Variants in CCDC171 observed in about 807,000 individuals in gnomAD.
The protein encoded by CCDC171 is coiled-coil domain containing 171, also known as coiled-coil domain-containing protein 171.
CCDC171 carries 177 observed loss-of-function variants against 168.2 expected under a neutral mutation model. The ratio of observed to expected loss-of-function variants is 1.05; its 90% CI spans 0.93 to 1.19. CCDC171 has a LOEUF of 1.19. Among genes scored for constraint, CCDC171 ranks in the 50% most tolerant of loss-of-function variants. The pLI, the probability that CCDC171 is intolerant of heterozygous loss-of-function variation, is 0.00. For missense variants in CCDC171, 1,991 were observed against 1,539.0 expected (o/e 1.29, Z -4.91); for synonymous variants, 687 against 540.8 (o/e 1.27, Z -3.75).
At chr9:15,999,611 A>G (rs572782527) in intron 3 of CCDC171, among the ~76,000 whole-genome samples, 1 of 152,192 alleles carries the variant, frequency 6.6e-6, no homozygotes, top group South Asian at 2.1e-4. Flanking sequence ...TCACTGTACC[A>G]GAAAGCATCC....
intron 6 of CCDC171, among the ~76,000 whole-genome samples, chr9:15,622,001 G>C (rs1215736398): frequency 6.6e-6 from 1 of 152,160 alleles, no homozygotes; most frequent in Admixed American, 6.5e-5. Context: ...GGAGCTGGAG[G>C]CCATTATCTT....
chr9:16,067,523 A>G, the CCDC171 span, among the ~76,000 whole-genome samples: 6 of 152,336 alleles, frequency 3.9e-5, no homozygotes, highest in South Asian at 4.1e-4. Context: ...TGTTTTAGAC[A>G]TGAAGTCCTT....
At chr9:15,654,390 C>T (rs772218420) in intron 7 of CCDC171, among the ~76,000 whole-genome samples, 2 of 152,148 alleles carry the variant, frequency 1.3e-5, no homozygotes, top group Non-Finnish European at 2.9e-5. Flanking sequence ...GCCATCAGAA[C>T]CAGGTGCATC....
intron 18 of CCDC171, among the ~76,000 whole-genome samples, chr9:15,772,472 ACGTTTCT>A (rs1255436623): frequency 6.6e-6 from 1 of 152,146 alleles, no homozygotes; most frequent in East Asian, 1.9e-4. Context: ...GTCTATATTC[ACGTTTCT>A]CAAATTATTA....
At chr9:15,902,227 A>C (rs1463376902) in intron 24 of CCDC171, among the ~76,000 whole-genome samples, 1 of 147,202 alleles carries the variant, frequency 6.8e-6, no homozygotes, top group South Asian at 2.1e-4. Context: ...TCTCAAAATG[A>C]TACAAAGCTA....
chr9:15,839,905 A>T (rs2060605256), intron 21 of CCDC171, among the ~76,000 whole-genome samples: 1 of 152,208 alleles, frequency 6.6e-6, no homozygotes, highest in African/African-American at 2.4e-5. Flanking sequence ...AAAACTCAAA[A>T]CTTTGTTTTA....
At chr9:15,698,290 G>T (rs987586288) in intron 11 of CCDC171, among the ~76,000 whole-genome samples, 1 of 152,136 alleles carries the variant, frequency 6.6e-6, no homozygotes, top group Non-Finnish European at 1.5e-5. Context: ...GGGAGGCCGA[G>T]GGGGGTGGAT....
At chr9:15,594,276 C>T (rs1264606974) in intron 6 of CCDC171, 104 bp downstream of exon 6, 1 of 686,518 alleles carries the variant, frequency 1.5e-6, no homozygotes, top group East Asian at 3.1e-5. Context: ...AAAATAATTT[C>T]TAGTTTTGAT....
the CCDC171 span, among the ~76,000 whole-genome samples, chr9:16,094,156 G>A: frequency 6.6e-6 from 1 of 152,196 alleles, no homozygotes; most frequent in Non-Finnish European, 1.5e-5. Context: ...AGAGTGCACG[G>A]TGGGCTGGAA....
intron 10 of CCDC171, among the ~76,000 whole-genome samples, chr9:15,686,485 A>G (rs963835823): frequency 6.6e-6 from 1 of 152,092 alleles, no homozygotes; most frequent in African/African-American, 2.4e-5. Context: ...ACTGCACTCC[A>G]GCTTGGGCAA....
chr9:15,976,779 A>G (rs1213429103), downstream of CCDC171, among the ~76,000 whole-genome samples: 1 of 152,044 alleles, frequency 6.6e-6, no homozygotes. Flanking sequence ...ATTTTATTCA[A>G]CAAGGAAATC....
intron 18 of CCDC171, among the ~76,000 whole-genome samples, chr9:15,767,629 T>A (rs778372504): frequency 3.3e-5 from 5 of 151,796 alleles, no homozygotes; most frequent in Admixed American, 6.6e-5. Context: ...TAAAAAAAAT[T>A]ACAGAGTACA....
chr9:15,916,379 A>G (rs1231561791), intron 24 of CCDC171, among the ~76,000 whole-genome samples: 1 of 146,602 alleles, frequency 6.8e-6, no homozygotes, highest in Non-Finnish European at 1.5e-5. Context: ...CATATTTAGT[A>G]TATTTGGCAT....
At chr9:15,867,397 A>G (rs1015078317) in intron 23 of CCDC171, among the ~76,000 whole-genome samples, 4 of 152,066 alleles carry the variant, frequency 2.6e-5, no homozygotes, top group African/African-American at 9.7e-5. Context: ...AAAAGTTGAA[A>G]CATGATCCTC....
chr9:15,604,948 C>T (rs1374068206), intron 6 of CCDC171, among the ~76,000 whole-genome samples: 1 of 152,118 alleles, frequency 6.6e-6, no homozygotes, highest in African/African-American at 2.4e-5. Context: ...GACAAGGTCT[C>T]ACTCTGTTGC....
intron 21 of CCDC171, among the ~76,000 whole-genome samples, chr9:15,806,995 C>T (rs1314327180): frequency 1.3e-5 from 2 of 152,146 alleles, no homozygotes; most frequent in African/African-American, 2.4e-5. Context: ...ATTCTCTTCT[C>T]AGCTTGGTTT....
At chr9:15,789,733 T>C (rs979632381) in intron 21 of CCDC171, among the ~76,000 whole-genome samples, 2 of 151,950 alleles carry the variant, frequency 1.3e-5, no homozygotes, top group Non-Finnish European at 2.9e-5. Flanking sequence ...GTATATCTCC[T>C]AACGCTATAC....
At chr9:15,692,438 C>A (rs1414949413) in intron 10 of CCDC171, among the ~76,000 whole-genome samples, 4 of 151,370 alleles carry the variant, frequency 2.6e-5, no homozygotes, top group Admixed American at 1.3e-4. Context: ...AAAAATCTAA[C>A]TTTTTGATGA....
chr9:15,631,906 C>T (rs1413810831), intron 7 of CCDC171, among the ~76,000 whole-genome samples: 1 of 151,996 alleles, frequency 6.6e-6, no homozygotes, highest in Non-Finnish European at 1.5e-5. Context: ...ATAAACAGAA[C>T]CAAAGACAAA....
Sources: gnomAD v4.1 joint callset for allele counts (sites outside exome capture counted in the v4.1 genomes callset) on GRCh38, gnomAD v4.1.1 for gene constraint, MANE v1.5 for transcripts, NCBI Gene and HGNC (gene_info 2026-07-23, HGNC 2026-07-21) for gene names.